Variants in GRK4 observed in about 807,000 individuals in gnomAD.
The protein encoded by GRK4 is G protein-coupled receptor kinase 4.
Under a neutral mutation model 77.9 loss-of-function variants are expected in GRK4, and 73 were observed. That is an observed-to-expected ratio of 0.94 (90% CI 0.78 to 1.14). GRK4 has a LOEUF of 1.14. Ranked by LOEUF, GRK4 falls within the 50% of genes most tolerant of loss-of-function variation. The pLI is 0.00. For missense variants in GRK4, 729 were observed against 700.2 expected (o/e 1.04, Z -0.46); for synonymous variants, 257 against 254.4 (o/e 1.01, Z -0.10).
intron 12 of GRK4, among the ~76,000 whole-genome samples, chr4:3,029,871 A>G (rs999768653): frequency 3.3e-5 from 5 of 152,204 alleles, no homozygotes; most frequent in African/African-American, 1.2e-4. Flanking sequence ...CCAGTGAGAA[A>G]AGTTTCCAGA....
intron 4 of GRK4, among the ~76,000 whole-genome samples, chr4:2,998,356 A>T (rs1002866610): frequency 1.4e-5 from 2 of 147,518 alleles, no homozygotes; most frequent in Non-Finnish European, 3.0e-5. Flanking sequence ...GACTCTGTTT[A>T]AAAAAAAAAA....
Position 3,040,677 on chromosome 4 carries a change from G to A in GRK4, c.*52G>A, listed in dbSNP as rs768341184. ...ACCCTGGCGCCAGGAAGGAGCATGT[G>A]TTAGCGTCTCGTCCCACCTGGAATT... is the stretch of plus-strand genomic sequence containing the variant. On this transcript the variant is annotated 3_prime_UTR_variant, in exon 16 of 16. Transcript: ENST00000398052. 1.0e-5 allele frequency: 15 copies of A among 1,481,408 alleles called. No individual in the cohort carries two copies. The South Asian group carries it at 1.5e-4, about 15-fold the overall frequency. The allele number at this position is 1,481,408 out of a possible 1,614,324, so 91.8% of individuals were successfully genotyped here.
In GRK4 at chr4:2,963,965, G is replaced by C; in HGVS notation, c.-106G>C. 1 of 1,002,512 alleles carries C rather than the reference G, an allele frequency of 1.0e-6. No individual in the cohort carries two copies. Among genetic ancestry groups the C allele is most frequent in the Non-Finnish European group, 1.5e-6 (1 of 650,560 alleles). 62.1% of individuals were successfully genotyped at this position (1,002,512 alleles called of 1,614,324 possible). A position where few individuals can be genotyped will look rare whatever the true frequency, so the allele number is the denominator to read the frequency against. On this transcript the variant is annotated 5_prime_UTR_variant, in exon 1 of 16. Transcript: ENST00000398052. ...GATCGTGTCCGGAGCTCGAGGAGAG[G>C]GTGGTGCCCGGCGAGCTATGCACGG...
At chr4:2,970,677 T>A (rs1719260178) in intron 1 of GRK4, among the ~76,000 whole-genome samples, 2 of 149,700 alleles carry the variant, frequency 1.3e-5, no homozygotes, top group African/African-American at 2.4e-5. Context: ...AAAAATGTTC[T>A]TTTTTTTTGG....
At chr4:2,996,528 CTG>C (rs1158887535) in intron 4 of GRK4, among the ~76,000 whole-genome samples, 2 of 151,906 alleles carry the variant, frequency 1.3e-5, no homozygotes, top group Non-Finnish European at 2.9e-5. Flanking sequence ...GCACTCCTGC[CTG>C]GGTGACAGAG....
At chr4:2,978,368 C>T (rs1263158383) in intron 1 of GRK4, among the ~76,000 whole-genome samples, 1 of 152,060 alleles carries the variant, frequency 6.6e-6, no homozygotes, top group African/African-American at 2.4e-5. Context: ...AAAAAGATAT[C>T]AGAGAAAAAT....
chr4:3,037,871 C>T (rs996165263), intron 14 of GRK4, among the ~76,000 whole-genome samples: 2 of 150,922 alleles, frequency 1.3e-5, no homozygotes, highest in Admixed American at 6.6e-5. Flanking sequence ...GCTGAGATTG[C>T]GCCACTGTAC....
At chr4:3,030,713 C>A (rs981865709) in intron 12 of GRK4, among the ~76,000 whole-genome samples, 9 of 150,924 alleles carry the variant, frequency 6.0e-5, no homozygotes, top group African/African-American at 2.2e-4. Flanking sequence ...GCCACAGTGG[C>A]AGGCTGCTGG....
intron 3 of GRK4, 83 bp from the exon 4 acceptor site, chr4:2,992,132 G>A: frequency 1.1e-6 from 1 of 890,070 alleles, no homozygotes; most frequent in East Asian, 2.5e-5. Flanking sequence ...CCCAACCTCA[G>A]CGTCCCAAGT....
At chr4:2,988,648 GAA>G (rs1725174769) in intron 2 of GRK4, 77 bp from the exon 3 acceptor site, 3 of 760,388 alleles carry the variant, frequency 3.9e-6, no homozygotes, top group Non-Finnish European at 4.7e-6. Flanking sequence ...TATCGAGTGA[GAA>G]CTGTAAGGCT....
Position 3,038,433 on chromosome 4 carries a change from C to T in GRK4, c.1603C>T (p.Pro535Ser), listed in dbSNP as rs1741451636. The change falls in exon 15 of 16, where the codon CCA (proline) becomes TCA (serine). Residue 535 changes from proline (P) to serine (S), a missense_variant. Coordinates refer to ENST00000398052, the MANE Select transcript of GRK4 (RefSeq NM_182982.3). Reference sequence around the variant, plus strand: ...CAAAAGTGAAAGTGAGGAAGCTTTGCCATTAGATCTAGACAAGAACATACA... The same window carrying T: ...CAAAAGTGAAAGTGAGGAAGCTTTGTCATTAGATCTAGACAAGAACATACA... Reference protein sequence around the residue: ...INKSESEEALPLDLDKNIHTP... With the variant: ...INKSESEEALSLDLDKNIHTP... The T allele has an allele frequency of 2.5e-6, 4 of 1,613,960 alleles. No homozygotes were observed. Among genetic ancestry groups the T allele is most frequent in the Admixed American group, 3.3e-5 (2 of 60,000 alleles).
intron 6 of GRK4, among the ~76,000 whole-genome samples, chr4:3,008,105 CA>C (rs1227486761): frequency 2.0e-5 from 3 of 152,208 alleles, no homozygotes; most frequent in African/African-American, 7.2e-5. Flanking sequence ...TTCCATCTGT[CA>C]AAATACAATT....
At chr4:2,997,958 G>C (rs2109752794) in intron 4 of GRK4, among the ~76,000 whole-genome samples, 1 of 151,494 alleles carries the variant, frequency 6.6e-6, no homozygotes, top group East Asian at 1.9e-4. Flanking sequence ...TTAAGATTAG[G>C]AACAAGACAA....
intron 12 of GRK4, among the ~76,000 whole-genome samples, chr4:3,033,836 C>T (rs1298198794): frequency 2.0e-5 from 3 of 152,170 alleles, no homozygotes; most frequent in African/African-American, 4.8e-5. Context: ...CCACCCACCT[C>T]GGCCTCCCAA....
At chr4:3,020,998 G>C (rs1227370258) in intron 9 of GRK4, among the ~76,000 whole-genome samples, 1 of 152,056 alleles carries the variant, frequency 6.6e-6, no homozygotes, top group Non-Finnish European at 1.5e-5. Flanking sequence ...TGGAAATTTT[G>C]CACCATTTTA....
chr4:3,022,881 G>A (rs1736477052), intron 10 of GRK4, among the ~76,000 whole-genome samples: 1 of 151,934 alleles, frequency 6.6e-6, no homozygotes, highest in South Asian at 2.1e-4. Context: ...TAGAGATAGG[G>A]GTCATGCTAT....
rs191361200 is a variant in GRK4 at position 2,984,569 on chromosome 4, C to A, written c.109C>A (p.Pro37Thr). The change falls in exon 2 of 16, where the codon CCT becomes ACT. Residue 37 changes from proline (P) to threonine (T), a missense_variant. Coordinates refer to ENST00000398052, the MANE Select transcript of GRK4 (RefSeq NM_182982.3). The part of the protein sequence containing the change: ...SKKWKEILTL[P>T]PVSQCSELRH... Reference sequence around the variant, plus strand: ...AAAATGGAAGGAGATACTGACACTGCCTCCTGTCAGCCAGTGCAGTGAGCT... The same window carrying A: ...AAAATGGAAGGAGATACTGACACTGACTCCTGTCAGCCAGTGCAGTGAGCT... 4.1e-5 allele frequency: 66 copies of A among 1,612,654 alleles called. No homozygotes were observed. The Admixed American group carries it at 7.2e-4, about 18-fold the overall frequency.
chr4:3,001,701 A>G (rs953777808), intron 4 of GRK4, among the ~76,000 whole-genome samples: 1 of 152,184 alleles, frequency 6.6e-6, no homozygotes, highest in African/African-American at 2.4e-5. Context: ...CAAATGTATT[A>G]GATAATTTAA....
rs368506630 is a variant in GRK4 at position 3,001,073 on chromosome 4, C to CTATATA, written c.340-3146_340-3141dup. Reference sequence around the variant, plus strand: ...GTGGTGGTTGTAGGGCTAAATGAGACTATATATATATATATATGTGTGTGT... The same window carrying CTATATA: ...GTGGTGGTTGTAGGGCTAAATGAGACTATATATATATATATATATATATGTGTGTGT... On this transcript the variant is annotated intron_variant, in intron 4 of 15. Transcript: ENST00000398052. Among the ~76,000 whole-genome samples, 30 of 76,130 alleles carry CTATATA rather than the reference C, an allele frequency of 3.9e-4. 4 individuals are homozygous for CTATATA. Among genetic ancestry groups the CTATATA allele is most frequent in the African/African-American group, 1.9e-3 (28 of 15,128 alleles). The allele number at this position is 76,130 out of a possible 152,430, so 49.9% of individuals were successfully genotyped here. A position where few individuals can be genotyped will look rare whatever the true frequency, so the allele number is the denominator to read the frequency against.
Sources: allele counts gnomAD v4.1 joint callset (sites outside exome capture counted in the v4.1 genomes callset), GRCh38; gene constraint gnomAD v4.1.1; transcripts MANE v1.5; gene names NCBI Gene and HGNC (gene_info 2026-07-23, HGNC 2026-07-21).